USP37: variants seen among roughly 807,000 people sequenced by gnomAD.
USP37 encodes the protein ubiquitin specific peptidase 37.
Under a neutral mutation model 124.0 loss-of-function variants are expected in USP37, and 27 were observed. The ratio of observed to expected loss-of-function variants is 0.22; its 90% CI spans 0.16 to 0.30. The LOEUF is 0.30. USP37 is among the 10% of genes least tolerant of loss of function. The pLI is 1.00. For missense variants in USP37, 889 were observed against 1,140.4 expected (o/e 0.78, Z 3.17); for synonymous variants, 365 against 388.0 (o/e 0.94, Z 0.70).
intron 6 of USP37, 147 bp downstream of exon 6, chr2:218,549,662 A>T (rs1264830497): frequency 7.4e-6 from 4 of 539,566 alleles, no homozygotes; most frequent in Non-Finnish European, 1.2e-5. Flanking sequence ...ATGGGGTTTC[A>T]CCATGTTGGC....
chr2:218,521,361 T>A (rs711191), intron 10 of USP37, among the ~76,000 whole-genome samples: 92,041 of 151,974 alleles, frequency 0.61, 28,086 homozygotes, highest in East Asian at 0.78. Context: ...AGTTCTGGGA[T>A]ACTGTACAGA....
chr2:218,510,567 A>C (rs1689924597), intron 10 of USP37, among the ~76,000 whole-genome samples: 1 of 152,208 alleles, frequency 6.6e-6, no homozygotes, highest in Non-Finnish European at 1.5e-5. Flanking sequence ...AAAATGTTGG[A>C]GGTATTTTCA....
chr2:218,562,924 G>C, intron 1 of USP37, 111 bp from the exon 2 acceptor site: 1 of 382,204 alleles, frequency 2.6e-6, no homozygotes, highest in East Asian at 3.7e-5. Flanking sequence ...AGCACTTTGA[G>C]AGGTGGAGGC....
chr2:218,521,030 TG>T (rs753526427), intron 10 of USP37, among the ~76,000 whole-genome samples: 4 of 152,130 alleles, frequency 2.6e-5, no homozygotes, highest in Non-Finnish European at 5.9e-5. Context: ...TCATGAGATC[TG>T]GTCATTTAAA....
rs1691565612 is a variant in USP37 at position 218,486,483 on chromosome 2, C to CT, written c.1591-741_1591-740insA. 6 of 152,334 alleles carry CT rather than the reference C, an allele frequency of 3.9e-5. 1 individual carries two copies. In the South Asian group the frequency reaches 1.2e-3, roughly 32 times the overall value. The allele number at this position is 152,334 out of a possible 1,614,324, so 9.4% of individuals were successfully genotyped here. On this transcript the variant is annotated intron_variant, in intron 15 of 25. Transcript: ENST00000258399. ...CAGGCAACTGGGTGGGAGGGAGGGG[C>CT]GTGATCTCAGCTCACTGCAACCTCC...
At chr2:218,549,718 G>A (rs1466166743) in intron 6 of USP37, 91 bp downstream of exon 6, 10 of 1,210,674 alleles carry the variant, frequency 8.3e-6, no homozygotes, top group Non-Finnish European at 1.1e-5. Context: ...ACCCGCCTCG[G>A]CCTCCCAAGT....
chr2:218,548,378 TC>T (rs1356386575), intron 6 of USP37, among the ~76,000 whole-genome samples: 5 of 152,164 alleles, frequency 3.3e-5, no homozygotes, highest in African/African-American at 1.2e-4. Flanking sequence ...TCTTACTCTG[TC>T]AACCAGGCTG....
chr2:218,544,428 TATAGAGAGAGAG>T (rs1183113676), intron 8 of USP37, among the ~76,000 whole-genome samples: 3 of 50,062 alleles, frequency 6.0e-5, no homozygotes, highest in Non-Finnish European at 9.3e-5. Context: ...TATATATATA[TATAGAGAGAGAG>T]AGAGAGAGAG....
chr2:218,507,703 G>A, intron 11 of USP37, among the ~76,000 whole-genome samples: 1 of 151,998 alleles, frequency 6.6e-6, no homozygotes, highest in East Asian at 1.9e-4. Flanking sequence ...GGAGGGAGGG[G>A]AAAAAGAGAG....
chr2:218,457,047 T>G, intron 24 of USP37, 45 bp downstream of exon 24: 1 of 1,574,738 alleles, frequency 6.4e-7, no homozygotes, highest in African/African-American at 1.3e-5. Context: ...GAGCAAATGC[T>G]GACTAGTTCA....
Position 218,544,131 on chromosome 2 carries a change from GCACTTTGGGAGGT to G in USP37, c.680+2077_680+2089del, listed in dbSNP as rs532236988. ...GCAGTGGCTCATGCCTATAATCCCAGCACTTTGGGAGGTCGAGGCGGGCAGATCACTTGAGGTC... is the reference window on the plus strand; with the variant it reads ...GCAGTGGCTCATGCCTATAATCCCAGCGAGGCGGGCAGATCACTTGAGGTC... On this transcript the variant is annotated intron_variant, in intron 8 of 25. Coordinates refer to ENST00000258399, the MANE Select transcript of USP37 (RefSeq NM_020935.3). Among the ~76,000 whole-genome samples, 56 of 152,040 alleles carry G rather than the reference GCACTTTGGGAGGT, an allele frequency of 3.7e-4. No homozygotes were observed. In the South Asian group the frequency reaches 0.011, roughly 31 times the overall value.
intron 14 of USP37, among the ~76,000 whole-genome samples, chr2:218,493,571 A>C (rs1037226731): frequency 6.6e-6 from 1 of 152,154 alleles, no homozygotes; most frequent in African/African-American, 2.4e-5. Flanking sequence ...CCCAGGTTAA[A>C]GCAATTGTCC....
At chr2:218,532,460 C>G (rs1257731214) in intron 9 of USP37, among the ~76,000 whole-genome samples, 1 of 94,516 alleles carries the variant, frequency 1.1e-5, no homozygotes, top group African/African-American at 3.8e-5. Flanking sequence ...GAGCAAGACT[C>G]TGTCTCAAAA....
intron 19 of USP37, among the ~76,000 whole-genome samples, chr2:218,476,594 A>T (rs1008284866): frequency 2.6e-5 from 4 of 152,228 alleles, no homozygotes; most frequent in African/African-American, 7.2e-5. Flanking sequence ...CTACCAAAAT[A>T]AAGCAAGTAA....
intron 10 of USP37, 92 bp downstream of exon 10, chr2:218,529,864 T>G (rs1264888649): frequency 8.5e-6 from 8 of 943,452 alleles, no homozygotes; most frequent in Non-Finnish European, 1.3e-5. Context: ...CATATTCACT[T>G]AAGAGGATAA....
At position 218,452,936 on chromosome 2, in the gene USP37, C is replaced by T. The variant is rs1241343614; in HGVS notation, c.*1994G>A. ...AAATCAAACCAAACCAAAGAGGCTC[C>T]TGGTAGAAATGAAACAAAACTTTAA... On this transcript the variant is annotated 3_prime_UTR_variant, in exon 26 of 26. Transcript: ENST00000258399. 2 of 152,162 alleles carry T rather than the reference C, an allele frequency of 1.3e-5. No homozygotes were observed. The highest frequency in any genetic ancestry group is 4.8e-5 in the African/African-American group (2 of 41,440). The allele number at this position is 152,162 out of a possible 1,614,324, so 9.4% of individuals were successfully genotyped here.
Position 218,488,374 on chromosome 2 carries a change from A to G in USP37, c.1520T>C (p.Ile507Thr). 1 of 1,612,996 alleles carries G rather than the reference A, an allele frequency of 6.2e-7. No individual in the cohort carries two copies. The highest frequency in any genetic ancestry group is 8.5e-7 in the Non-Finnish European group (1 of 1,179,564). ...TGGTTTTTTCCTACGAGGAAGGTCA[A>G]TAGAGAGGTCATTAAACTGTTCTCT... ...PKREQFNDLS[I>T]DLPRRKKPLP... Residue 507 changes from isoleucine (I) to threonine (T), a missense_variant, in exon 15 of 26, where the codon ATT becomes ACT. Physicochemically the swap from Ile to Thr is moderately conservative, Grantham distance 89. Coordinates refer to ENST00000258399, the MANE Select transcript of USP37 (RefSeq NM_020935.3).
intron 11 of USP37, among the ~76,000 whole-genome samples, chr2:218,508,627 ATGT>A (rs1240130035): frequency 6.6e-6 from 1 of 152,196 alleles, no homozygotes; most frequent in Non-Finnish European, 1.5e-5. Context: ...CCAATATAAA[ATGT>A]TGTCTGGTTA....
intron 15 of USP37, 34 bp from the exon 16 acceptor site, chr2:218,485,777 G>C: frequency 6.3e-7 from 1 of 1,583,714 alleles, no homozygotes; most frequent in Non-Finnish European, 8.6e-7. Context: ...GCATGAAGGT[G>C]AATCAGCATT....
Sources: gnomAD v4.1 joint callset for allele counts (sites outside exome capture counted in the v4.1 genomes callset) on GRCh38, gnomAD v4.1.1 for gene constraint, MANE v1.5 for transcripts, NCBI Gene and HGNC (gene_info 2026-07-23, HGNC 2026-07-21) for gene names.